Variants in CSMD3 observed in about 807,000 individuals in gnomAD.
CSMD3 encodes the protein CUB and Sushi multiple domains 3.
A neutral mutation model predicts 435.2 loss-of-function variants in CSMD3; 177 were observed. The ratio of observed to expected loss-of-function variants is 0.41; its 90% CI spans 0.36 to 0.46. CSMD3 has a LOEUF of 0.46. CSMD3 is among the 20% of genes least tolerant of loss of function. The pLI is 0.34. For synonymous variants in CSMD3, 1,656 were observed against 1,520.5 expected (o/e 1.09, Z -2.07); for missense variants, 4,265 against 4,504.6 (o/e 0.95, Z 1.52).
At chr8:113,363,240 G>A (rs970730042) in intron 1 of CSMD3, among the ~76,000 whole-genome samples, 11 of 151,846 alleles carry the variant, frequency 7.2e-5, no homozygotes, top group Admixed American at 5.3e-4. Flanking sequence ...TCTTAGATAC[G>A]ACAAAACATC....
intron 17 of CSMD3, among the ~76,000 whole-genome samples, chr8:112,663,544 A>G (rs989006563): frequency 6.6e-6 from 1 of 151,782 alleles, no homozygotes; most frequent in African/African-American, 2.4e-5. Flanking sequence ...TTAAATGACA[A>G]GTTAATGGGT....
intron 1 of CSMD3, among the ~76,000 whole-genome samples, chr8:113,397,123 C>T (rs1024250177): frequency 3.9e-5 from 6 of 152,136 alleles, no homozygotes; most frequent in Middle Eastern, 6.8e-3. Flanking sequence ...TTAATTTATA[C>T]CCTTGTCAAT....
At chr8:112,572,019 G>T (rs1188551831) in intron 24 of CSMD3, among the ~76,000 whole-genome samples, 1 of 150,532 alleles carries the variant, frequency 6.6e-6, no homozygotes, top group Non-Finnish European at 1.5e-5. Flanking sequence ...CAGAGAAAGA[G>T]AAAGAGGACA....
intron 54 of CSMD3, among the ~76,000 whole-genome samples, chr8:112,294,567 T>C (rs1340639731): frequency 2.6e-5 from 4 of 152,128 alleles, no homozygotes; most frequent in Non-Finnish European, 5.9e-5. Flanking sequence ...AGTTTATCAT[T>C]ATTCAGCTCT....
chr8:112,684,270 A>G (rs1177089257), intron 15 of CSMD3, among the ~76,000 whole-genome samples: 1 of 152,072 alleles, frequency 6.6e-6, no homozygotes, highest in Non-Finnish European at 1.5e-5. Flanking sequence ...TTTCTATGAC[A>G]CATGTCACCG....
intron 13 of CSMD3, among the ~76,000 whole-genome samples, chr8:112,718,102 C>G (rs1249130142): frequency 1.3e-5 from 2 of 151,974 alleles, no homozygotes; most frequent in Non-Finnish European, 1.5e-5. Flanking sequence ...AAAATAGACT[C>G]TAGTGAGAGA....
chr8:112,776,212 T>C (rs2078242235), intron 13 of CSMD3, among the ~76,000 whole-genome samples: 1 of 151,872 alleles, frequency 6.6e-6, no homozygotes, highest in African/African-American at 2.4e-5. Context: ...CATAATAATT[T>C]ACATTGTGAA....
chr8:112,947,302 G>T (rs1477625874), intron 9 of CSMD3, among the ~76,000 whole-genome samples: 2 of 151,616 alleles, frequency 1.3e-5, no homozygotes, highest in East Asian at 3.9e-4. Flanking sequence ...ATTTGTGATG[G>T]ATATAAAACT....
chr8:112,736,915 C>A (rs2077197331), intron 13 of CSMD3, among the ~76,000 whole-genome samples: 2 of 151,918 alleles, frequency 1.3e-5, no homozygotes, highest in Non-Finnish European at 2.9e-5. Flanking sequence ...CTAATAGGTT[C>A]ACAGAAATAG....
In CSMD3 at chr8:112,289,599, C is replaced by A. The variant is rs539068594; in HGVS notation, c.8975-61G>T. The A allele has an allele frequency of 7.1e-4, 781 of 1,094,380 alleles. 13 individuals are homozygous for A. In the South Asian group the frequency reaches 0.011, roughly 15 times the overall value. The allele number at this position is 1,094,380 out of a possible 1,614,324, so 67.8% of individuals were successfully genotyped here. ...ATATCTCCTATCGAACAACCTATACCAGCATGTTTATAGAACATACCAGAA... is the reference window on the plus strand; with the variant it reads ...ATATCTCCTATCGAACAACCTATACAAGCATGTTTATAGAACATACCAGAA... On this transcript the variant is annotated intron_variant, in intron 56 of 70. Transcript: ENST00000297405.
intron 9 of CSMD3, among the ~76,000 whole-genome samples, chr8:112,926,895 T>A (rs1265164510): frequency 6.6e-6 from 1 of 152,118 alleles, no homozygotes; most frequent in Non-Finnish European, 1.5e-5. Flanking sequence ...GTCTAGACAA[T>A]TTCCTGACAG....
intron 4 of CSMD3, among the ~76,000 whole-genome samples, chr8:113,161,102 G>T (rs997555990): frequency 2.0e-5 from 3 of 152,058 alleles, no homozygotes; most frequent in Admixed American, 6.6e-5. Context: ...CCTTGATAAT[G>T]GGAATTTTAG....
At chr8:112,511,343 G>A (rs957946403) in intron 28 of CSMD3, among the ~76,000 whole-genome samples, 10 of 151,590 alleles carry the variant, frequency 6.6e-5, no homozygotes, top group African/African-American at 1.9e-4. Context: ...TGATCAGGGT[G>A]GTGGTTGTTG....
intron 1 of CSMD3, among the ~76,000 whole-genome samples, chr8:113,359,381 T>C (rs1330295348): frequency 1.3e-5 from 2 of 152,164 alleles, no homozygotes; most frequent in Admixed American, 1.3e-4. Flanking sequence ...GTGGTTTAAT[T>C]GTGTAGTAAA....
At chr8:113,270,797 G>A (rs1014505287) in intron 3 of CSMD3, among the ~76,000 whole-genome samples, 1 of 151,878 alleles carries the variant, frequency 6.6e-6, no homozygotes, top group African/African-American at 2.4e-5. Flanking sequence ...GACACAGGAA[G>A]GGGGACATCA....
chr8:113,105,376 T>C (rs536190711), intron 4 of CSMD3, among the ~76,000 whole-genome samples: 1 of 152,196 alleles, frequency 6.6e-6, no homozygotes, highest in South Asian at 2.1e-4. Context: ...TTCAGCTCAG[T>C]ACATAGAATT....
chr8:113,328,393 C>T (rs559757731), intron 1 of CSMD3, among the ~76,000 whole-genome samples: 151 of 148,064 alleles, frequency 1.0e-3, no homozygotes, highest in African/African-American at 3.6e-3. Context: ...AGCCGAGATC[C>T]CGCCACTGCA....
intron 27 of CSMD3, among the ~76,000 whole-genome samples, chr8:112,548,177 T>G (rs1827354556): frequency 6.6e-6 from 1 of 152,166 alleles, no homozygotes; most frequent in Non-Finnish European, 1.5e-5. Flanking sequence ...GCAAAATGCT[T>G]AGAACCAGAG....
In CSMD3 at chr8:113,069,323, C is replaced by T. The variant is rs938712391; in HGVS notation, c.917+29433G>A. Among the ~76,000 whole-genome samples the T allele has an allele frequency of 2.0e-5, 3 of 152,088 alleles. No homozygotes were observed. The East Asian group carries it at 5.8e-4, about 29-fold the overall frequency. ...ATAGCAAATTTCTGGGTTCCACTGT[C>T]TGCAAGTTTGGAACAACATGTCTTC... On this transcript the variant is annotated intron_variant, in intron 5 of 70. Coordinates refer to ENST00000297405, the MANE Select transcript of CSMD3 (RefSeq NM_198123.2).
Sources: allele counts gnomAD v4.1 joint callset (sites outside exome capture counted in the v4.1 genomes callset), GRCh38; gene constraint gnomAD v4.1.1; transcripts MANE v1.5; gene names NCBI Gene and HGNC (gene_info 2026-07-23, HGNC 2026-07-21).